The following COBL variants were observed in gnomAD, a reference collection of about 807,000 sequenced individuals.
The protein encoded by COBL is cordon-bleu WH2 repeat protein.
In COBL, 51 loss-of-function variants were observed where a neutral mutation model predicts 98.8. The ratio of observed to expected loss-of-function variants is 0.52; its 90% confidence interval spans 0.41 to 0.65. The LOEUF is 0.65. Among genes scored for constraint, COBL ranks in the 30% least tolerant of loss-of-function variants. The pLI, the probability that COBL is intolerant of heterozygous loss-of-function variation, is 0.00. For missense variants in COBL, 1,617 were observed against 1,617.5 expected, an observed-to-expected ratio of 1.00 and a Z score of 0.01; for synonymous variants, 634 against 651.7, an observed-to-expected ratio of 0.97 and a Z score of 0.41.
At chr7:51,091,180 A>G (rs1299890715) in intron 6 of COBL, among the ~76,000 whole-genome samples, 2 of 152,214 alleles carry the variant, frequency 1.3e-5, no homozygotes, top group Non-Finnish European at 2.9e-5. Flanking sequence ...GGAACAAAAT[A>G]AACATCTAGA....
intron 5 of COBL, chr7:51,156,438 G>A (rs2129029222): frequency 1.0e-6 from 1 of 985,160 alleles, no homozygotes; most frequent in African/African-American, 1.7e-5. Context: ...AGGTTCCCCA[G>A]GAATCACCCA....
rs79854431 is a variant in COBL at position 51,276,965 on chromosome 7, A to G, written c.41+39628T>C. Among the ~76,000 whole-genome samples, 1,242 of 152,312 alleles carry G rather than the reference A, an allele frequency of 8.2e-3. 71 individuals are homozygous for G. In the South Asian group the frequency reaches 0.15, roughly 18 times the overall value. On this transcript the variant is annotated intron_variant, in intron 1 of 12. Transcript: ENST00000265136. ...GAGGGCACCACAGAAAAGGAGATGCATCTGGGAGCAGCGAACACACAGATG... is the reference window on the plus strand; with the variant it reads ...GAGGGCACCACAGAAAAGGAGATGCGTCTGGGAGCAGCGAACACACAGATG...
chr7:51,248,612 T>G (rs1053976419), intron 1 of COBL, among the ~76,000 whole-genome samples: 1 of 152,152 alleles, frequency 6.6e-6, no homozygotes, highest in African/African-American at 2.4e-5. Flanking sequence ...ACACAAATGA[T>G]TCTTTGGAGA....
intron 8 of COBL, chr7:51,031,121 C>T (rs914888150): frequency 5.5e-5 from 31 of 560,554 alleles, no homozygotes; most frequent in African/African-American, 1.3e-4. Flanking sequence ...GTGTGGGATG[C>T]GTGTAGCGTG....
chr7:51,293,851 T>A (rs1801135696), intron 1 of COBL, among the ~76,000 whole-genome samples: 1 of 152,120 alleles, frequency 6.6e-6, no homozygotes, highest in African/African-American at 2.4e-5. Context: ...CAGGTCATTC[T>A]ATGCTTGGTA....
chr7:51,222,998 G>A (rs1015887410), intron 1 of COBL, among the ~76,000 whole-genome samples: 3 of 152,164 alleles, frequency 2.0e-5, no homozygotes, highest in Non-Finnish European at 2.9e-5. Context: ...CCTGGTCCAA[G>A]CCCTCATCTC....
At chr7:51,098,116 GAC>G (rs1448415464) in intron 6 of COBL, among the ~76,000 whole-genome samples, 5 of 149,316 alleles carry the variant, frequency 3.3e-5, no homozygotes, top group African/African-American at 1.2e-4. Context: ...AATTAGAGAA[GAC>G]ACAATAAATA....
intron 6 of COBL, among the ~76,000 whole-genome samples, chr7:51,086,719 T>C (rs1388118225): frequency 6.6e-6 from 1 of 150,872 alleles, no homozygotes; most frequent in African/African-American, 2.4e-5. Context: ...AGTTAAAAAA[T>C]ATATGTAAAA....
chr7:51,076,954 AATAG>A (rs1277743256), intron 7 of COBL, among the ~76,000 whole-genome samples: 2 of 152,222 alleles, frequency 1.3e-5, no homozygotes, highest in Non-Finnish European at 2.9e-5. Context: ...TGCTAATTAA[AATAG>A]ATAATTCATA....
At chr7:51,133,705 A>G (rs1798961108) in intron 6 of COBL, among the ~76,000 whole-genome samples, 1 of 152,234 alleles carries the variant, frequency 6.6e-6, no homozygotes, top group Non-Finnish European at 1.5e-5. Context: ...CTGTGGGAAG[A>G]GCCATGGGAT....
intron 8 of COBL, among the ~76,000 whole-genome samples, chr7:51,040,640 A>C (rs922383787): frequency 2.6e-5 from 4 of 152,196 alleles, no homozygotes; most frequent in African/African-American, 9.6e-5. Flanking sequence ...TGGACTCTTA[A>C]AGGCCAAACA....
chr7:51,243,272 G>A (rs1795969302), intron 1 of COBL, among the ~76,000 whole-genome samples: 1 of 152,204 alleles, frequency 6.6e-6, no homozygotes, highest in African/African-American at 2.4e-5. Context: ...GGGAGCAGAA[G>A]TACTGGAGCT....
chr7:51,259,224 T>C (rs1360715840), intron 1 of COBL, among the ~76,000 whole-genome samples: 1 of 145,538 alleles, frequency 6.9e-6, no homozygotes, highest in Non-Finnish European at 1.5e-5. Context: ...GAGGTGGAGG[T>C]TGCAGTGAGC....
At chr7:51,061,702 T>G (rs2128910804) in intron 7 of COBL, among the ~76,000 whole-genome samples, 1 of 152,242 alleles carries the variant, frequency 6.6e-6, no homozygotes, top group Admixed American at 6.5e-5. Flanking sequence ...GCATCCTATC[T>G]GCTGAGGGTC....
intron 6 of COBL, among the ~76,000 whole-genome samples, chr7:51,109,950 G>A (rs906585989): frequency 6.6e-6 from 1 of 152,108 alleles, no homozygotes; most frequent in Non-Finnish European, 1.5e-5. Flanking sequence ...GCAAGGGGAT[G>A]GAAACTGCTT....
intron 6 of COBL, among the ~76,000 whole-genome samples, chr7:51,114,362 G>A (rs1336393442): frequency 7.9e-6 from 1 of 125,884 alleles, no homozygotes; most frequent in Non-Finnish European, 1.7e-5. Flanking sequence ...TGGTTCTTAC[G>A]TACTCCAGAA....
intron 7 of COBL, among the ~76,000 whole-genome samples, chr7:51,044,316 CTCCAAGCCAAGT>C (rs1434119253): frequency 3.9e-5 from 6 of 152,156 alleles, no homozygotes; most frequent in African/African-American, 1.2e-4. Context: ...GCAACTTGCT[CTCCAAGCCAAGT>C]TCTGTCAAGC....
intron 1 of COBL, among the ~76,000 whole-genome samples, chr7:51,226,522 T>TTGAGTGAGTGAG (rs3081930): frequency 0.34 from 50,634 of 150,434 alleles, 10,789 homozygotes; most frequent in Non-Finnish European, 0.47. Context: ...CACCACTGCG[T>TTGAGTGAGTGAG]TGAGTGAGTG....
intron 7 of COBL, among the ~76,000 whole-genome samples, chr7:51,084,857 T>G (rs1164979639): frequency 6.6e-6 from 1 of 152,094 alleles, no homozygotes; most frequent in Non-Finnish European, 1.5e-5. Flanking sequence ...CCTTTTGCCA[T>G]CAGAGACACA....
Sources: gnomAD v4.1 joint callset for allele counts (sites outside exome capture counted in the v4.1 genomes callset) on GRCh38, gnomAD v4.1.1 for gene constraint, MANE v1.5 for transcripts, NCBI Gene and HGNC (gene_info 2026-07-23, HGNC 2026-07-21) for gene names.